INSL6: variants seen among roughly 807,000 people sequenced by gnomAD.
INSL6 encodes insulin-like peptide INSL6.
A neutral mutation model predicts 9.4 loss-of-function variants in INSL6; 16 were observed. That is an observed-to-expected ratio of 1.70 (90% confidence interval 1.15 to 2.59). The LOEUF (loss-of-function observed/expected upper bound fraction) is 2.59. INSL6 is among the 30% of genes most tolerant of loss of function. The pLI is 0.00. For missense variants in INSL6, 391 were observed against 257.3 expected (o/e 1.52, Z -3.56); for synonymous variants, 154 against 96.9 (o/e 1.59, Z -3.46).
chr9:5,048,327 G>T, the INSL6 span, among the ~76,000 whole-genome samples: 2 of 152,014 alleles, frequency 1.3e-5, no homozygotes, highest in Non-Finnish European at 2.9e-5. Context: ...ATTTTTAGTA[G>T]AGATGGGGTT....
downstream of INSL6, chr9:5,123,261 A>G (rs1823755924): frequency 5.5e-6 from 3 of 547,298 alleles, no homozygotes; most frequent in South Asian, 8.1e-5. Context: ...CCACCACCTT[A>G]ATAACATACA....
the INSL6 span, chr9:5,109,877 T>C: frequency 1.3e-5 from 2 of 152,214 alleles, no homozygotes; most frequent in Non-Finnish European, 2.9e-5. Flanking sequence ...ACAAACTCTT[T>C]CAACTCTTTA....
chr9:5,121,155 AC>A (rs1823591153), downstream of INSL6, among the ~76,000 whole-genome samples: 1 of 152,152 alleles, frequency 6.6e-6, no homozygotes, highest in Non-Finnish European at 1.5e-5. Context: ...AAATCTTCCA[AC>A]CCAGAAAACC....
intron 1 of INSL6, among the ~76,000 whole-genome samples, chr9:5,169,111 A>G (rs1236830693): frequency 6.6e-6 from 1 of 152,086 alleles, no homozygotes; most frequent in African/African-American, 2.4e-5. Context: ...TTTTTAGTAA[A>G]GACAGGGTTT....
At chr9:5,002,253 T>A in the INSL6 span, among the ~76,000 whole-genome samples, 1 of 151,958 alleles carries the variant, frequency 6.6e-6, no homozygotes, top group Admixed American at 6.5e-5. Flanking sequence ...TTTCATATCT[T>A]TCTTCTTTTC....
intron 3 of INSL6, chr9:5,126,062 C>T (rs1156632134): frequency 3.9e-6 from 1 of 255,114 alleles, no homozygotes. Flanking sequence ...CAACAAAAAA[C>T]TCAAAGGAAA....
intron 2 of INSL6, among the ~76,000 whole-genome samples, chr9:5,156,796 T>A (rs1270155635): frequency 1.3e-5 from 2 of 152,142 alleles, no homozygotes; most frequent in African/African-American, 4.8e-5. Context: ...AATGAAATAT[T>A]AACAAGTTAC....
chr9:5,089,814 C>T, the INSL6 span: 1 of 1,593,182 alleles, frequency 6.3e-7, no homozygotes, highest in Non-Finnish European at 8.5e-7. Context: ...TCCTGAAATC[C>T]CTACAGCATG....
At chr9:5,013,252 A>G in the INSL6 span, among the ~76,000 whole-genome samples, 1 of 152,334 alleles carries the variant, frequency 6.6e-6, no homozygotes, top group African/African-American at 2.4e-5. Context: ...TTTAGAGTAC[A>G]ATACAAAATT....
the INSL6 span, among the ~76,000 whole-genome samples, chr9:5,106,420 G>A: frequency 9.2e-5 from 14 of 152,328 alleles, no homozygotes; most frequent in South Asian, 8.3e-4. Context: ...AAGATGTGGC[G>A]AAATAGGAAC....
At chr9:5,138,744 A>G (rs1041093235) in intron 2 of INSL6, among the ~76,000 whole-genome samples, 2 of 151,754 alleles carry the variant, frequency 1.3e-5, no homozygotes, top group Non-Finnish European at 2.9e-5. Context: ...AAAAAATAAT[A>G]AAAGTACTGA....
chr9:5,042,990 G>C, the INSL6 span, among the ~76,000 whole-genome samples: 2 of 152,242 alleles, frequency 1.3e-5, no homozygotes, highest in African/African-American at 4.8e-5. Flanking sequence ...AGCTGAGGGG[G>C]GTGGGCCGGC....
the INSL6 span, chr9:5,041,821 C>T: frequency 5.8e-5 from 28 of 482,412 alleles, no homozygotes; most frequent in Non-Finnish European, 1.1e-4. Context: ...AAAAACCAGG[C>T]GCTGAACTCC....
At chr9:5,080,139 C>G in the INSL6 span, 2 of 1,026,708 alleles carry the variant, frequency 1.9e-6, no homozygotes, top group Non-Finnish European at 2.8e-6. Context: ...CCTGATTATT[C>G]AAATGATTTG....
At chr9:5,042,644 C>T in the INSL6 span, among the ~76,000 whole-genome samples, 12 of 152,042 alleles carry the variant, frequency 7.9e-5, no homozygotes, top group Non-Finnish European at 4.4e-5. Context: ...TCCAGCTTGT[C>T]TCCCTCATCC....
At chr9:5,175,884 T>C (rs896553072) in intron 1 of INSL6, among the ~76,000 whole-genome samples, 5 of 152,182 alleles carry the variant, frequency 3.3e-5, no homozygotes, top group Middle Eastern at 3.2e-3. Flanking sequence ...AATTGTATAA[T>C]TATTTCATTA....
At chr9:5,126,701 A>G (rs1280328739) in intron 3 of INSL6, 1 of 1,609,764 alleles carries the variant, frequency 6.2e-7, no homozygotes, top group South Asian at 1.1e-5. Flanking sequence ...TGATCATGAC[A>G]GAATGCTGGA....
At chr9:5,080,892 C>CTTTTTT in the INSL6 span, among the ~76,000 whole-genome samples, 182 of 95,552 alleles carry the variant, frequency 1.9e-3, no homozygotes, top group Non-Finnish European at 2.6e-3. Context: ...AAGACCTTTT[C>CTTTTTT]TTTTTTTTTT....
At chr9:5,052,803 T>G in the INSL6 span, among the ~76,000 whole-genome samples, 3 of 152,094 alleles carry the variant, frequency 2.0e-5, no homozygotes, top group African/African-American at 7.2e-5. Flanking sequence ...CAAGGTTCAT[T>G]CATGTTGTAG....
Sources: allele counts gnomAD v4.1 joint callset (sites outside exome capture counted in the v4.1 genomes callset), GRCh38; gene constraint gnomAD v4.1.1; transcripts MANE v1.5; gene names NCBI Gene and HGNC (gene_info 2026-07-23, HGNC 2026-07-21).